Variants in PREX2 observed in about 807,000 individuals in gnomAD.
The protein encoded by PREX2 is phosphatidylinositol-3,4,5-trisphosphate dependent Rac exchange factor 2.
In PREX2, 107 loss-of-function variants were observed where a neutral mutation model predicts 203.2. The ratio of observed to expected loss-of-function variants is 0.53; its 90% CI spans 0.45 to 0.62. The LOEUF is 0.62. Among genes scored for constraint, PREX2 ranks in the 20% least tolerant of loss-of-function variants. PREX2 has a pLI of 0.00. For synonymous variants in PREX2, 672 were observed against 663.6 expected, an observed-to-expected ratio of 1.01 and a Z score of -0.19; for missense variants, 1,777 against 1,955.9, an observed-to-expected ratio of 0.91 and a Z score of 1.72.
At chr8:68,043,966 C>T (rs1196824377) in intron 7 of PREX2, among the ~76,000 whole-genome samples, 1 of 151,922 alleles carries the variant, frequency 6.6e-6, no homozygotes, top group Non-Finnish European at 1.5e-5. Flanking sequence ...ACTTGTTCAA[C>T]AAGTATACAG....
At chr8:68,156,033 A>AT (rs751084088) in intron 34 of PREX2, among the ~76,000 whole-genome samples, 2 of 151,924 alleles carry the variant, frequency 1.3e-5, no homozygotes, top group African/African-American at 4.8e-5. Flanking sequence ...GAAAATTTCC[A>AT]TTTTTTTACT....
chr8:68,041,950 T>G (rs1808212773), intron 7 of PREX2, among the ~76,000 whole-genome samples: 1 of 152,096 alleles, frequency 6.6e-6, no homozygotes, highest in African/African-American at 2.4e-5. Context: ...ATCCTGCTAT[T>G]TAGCAAATGC....
chr8:67,984,914 C>T (rs1806372682), intron 1 of PREX2, among the ~76,000 whole-genome samples: 1 of 152,040 alleles, frequency 6.6e-6, no homozygotes, highest in South Asian at 2.1e-4. Flanking sequence ...TCACCACCTC[C>T]CCTTTCCTTG....
chr8:68,046,317 G>A (rs1384328516), intron 8 of PREX2, among the ~76,000 whole-genome samples: 2 of 152,058 alleles, frequency 1.3e-5, no homozygotes, highest in Non-Finnish European at 2.9e-5. Flanking sequence ...CTTTTGGGCA[G>A]CTGGAGAACT....
At chr8:68,044,423 A>G in intron 7 of PREX2, 64 bp from the exon 8 acceptor site, 8 of 1,163,530 alleles carry the variant, frequency 6.9e-6, no homozygotes, top group Non-Finnish European at 8.9e-6. Context: ...CCTAAAATAT[A>G]TTGTTTTGAC....
At chr8:67,959,236 G>T (rs374674602) in intron 1 of PREX2, among the ~76,000 whole-genome samples, 1 of 152,138 alleles carries the variant, frequency 6.6e-6, no homozygotes, top group South Asian at 2.1e-4. Flanking sequence ...CTTTAAAGTG[G>T]CAGGACTTGA....
chr8:67,955,157 A>C (rs1217213079), intron 1 of PREX2, among the ~76,000 whole-genome samples: 1 of 150,264 alleles, frequency 6.7e-6, no homozygotes, highest in Non-Finnish European at 1.5e-5. Flanking sequence ...CAAAAAAAAA[A>C]AAAAAAAAAA....
In PREX2 at chr8:68,231,476, G is replaced by GA; in HGVS notation, c.*98_*99insA. 1.6e-6 allele frequency: 1 copy of GA among 643,702 alleles called. No individual in the cohort carries two copies. The highest frequency in any genetic ancestry group is 2.2e-6 in the Non-Finnish European group (1 of 453,918). The allele number at this position is 643,702 out of a possible 1,614,324, so 39.9% of individuals were successfully genotyped here. A position where few individuals can be genotyped will look rare whatever the true frequency, so the allele number is the denominator to read the frequency against. On this transcript the variant is annotated 3_prime_UTR_variant, in exon 40 of 40. Coordinates refer to ENST00000288368, the MANE Select transcript of PREX2 (RefSeq NM_024870.4). ...CATTCTCCACTGAAGATACATCAAT[G>GA]CTTTTTTTTTTTTTTTTTTCTGTAA...
intron 14 of PREX2, among the ~76,000 whole-genome samples, chr8:68,075,703 G>GA (rs1394573325): frequency 6.6e-6 from 1 of 152,128 alleles, no homozygotes; most frequent in Non-Finnish European, 1.5e-5. Flanking sequence ...ACAATATGTA[G>GA]AAAAAATAAG....
At chr8:68,105,730 CATAT>C (rs35658979) in intron 23 of PREX2, 16 of 157,878 alleles carry the variant, frequency 1.0e-4, no homozygotes, top group South Asian at 2.1e-4. Flanking sequence ...TATACACACA[CATAT>C]ATATATATAT....
At chr8:68,162,853 A>T (rs907014875) in intron 35 of PREX2, among the ~76,000 whole-genome samples, 4 of 152,206 alleles carry the variant, frequency 2.6e-5, no homozygotes, top group Non-Finnish European at 5.9e-5. Flanking sequence ...TCAAATCCAA[A>T]GACATAAGCT....
intron 34 of PREX2, among the ~76,000 whole-genome samples, chr8:68,147,879 AAAGG>A (rs987459074): frequency 6.1e-5 from 7 of 113,978 alleles, no homozygotes; most frequent in African/African-American, 2.9e-4. Flanking sequence ...TCTATAATGA[AAAGG>A]AAGAGAACAA....
intron 35 of PREX2, among the ~76,000 whole-genome samples, chr8:68,168,929 A>T (rs1811815025): frequency 6.6e-6 from 1 of 151,264 alleles, no homozygotes; most frequent in Admixed American, 6.6e-5. Context: ...TTTAACTTAC[A>T]ACAAACTCTT....
intron 35 of PREX2, among the ~76,000 whole-genome samples, chr8:68,158,396 A>C (rs1811588903): frequency 6.6e-6 from 1 of 152,152 alleles, no homozygotes; most frequent in Non-Finnish European, 1.5e-5. Flanking sequence ...TATTTGGGCC[A>C]AGCTTGAGAA....
At chr8:68,125,952 C>A (rs1261562035) in intron 30 of PREX2, among the ~76,000 whole-genome samples, 4 of 151,936 alleles carry the variant, frequency 2.6e-5, no homozygotes, top group Non-Finnish European at 5.9e-5. Context: ...CCTAAAATAT[C>A]GTGTTCATAA....
At chr8:68,212,408 C>T (rs932079392) in intron 37 of PREX2, among the ~76,000 whole-genome samples, 5 of 152,152 alleles carry the variant, frequency 3.3e-5, no homozygotes, top group Admixed American at 2.6e-4. Flanking sequence ...GCTTTGTTCA[C>T]TGTTGCATCT....
intron 38 of PREX2, among the ~76,000 whole-genome samples, chr8:68,219,551 T>C (rs1812913276): frequency 6.6e-6 from 1 of 152,184 alleles, no homozygotes; most frequent in African/African-American, 2.4e-5. Flanking sequence ...AAAAAATGAA[T>C]ACATTTGGAA....
In PREX2 at chr8:68,233,969, A is replaced by AG. The variant is rs1321099703; in HGVS notation, c.*2591_*2592insG. 1.3e-5 allele frequency: 2 copies of AG among 152,196 alleles called. No individual in the cohort carries two copies. Among genetic ancestry groups the AG allele is most frequent in the African/African-American group, 4.8e-5 (2 of 41,444 alleles). The allele number at this position is 152,196 out of a possible 1,614,324, so 9.4% of individuals were successfully genotyped here. A position where few individuals can be genotyped will look rare whatever the true frequency, so the allele number is the denominator to read the frequency against. On this transcript the variant is annotated 3_prime_UTR_variant, in exon 40 of 40. Coordinates refer to ENST00000288368, the MANE Select transcript of PREX2 (RefSeq NM_024870.4). Reference sequence around the variant, plus strand: ...AAAAACGGTGAATGGAAATATGTAAATGCTTTAATTATATGAAAATTATAG... The same window carrying AG: ...AAAAACGGTGAATGGAAATATGTAAAGTGCTTTAATTATATGAAAATTATAG...
At chr8:68,021,307 G>A (rs1807561832) in intron 3 of PREX2, among the ~76,000 whole-genome samples, 1 of 152,092 alleles carries the variant, frequency 6.6e-6, no homozygotes. Context: ...TTTTATATTT[G>A]GAGCTACATA....
Sources: allele counts gnomAD v4.1 joint callset (sites outside exome capture counted in the v4.1 genomes callset), GRCh38; gene constraint gnomAD v4.1.1; transcripts MANE v1.5; gene names NCBI Gene and HGNC (gene_info 2026-07-23, HGNC 2026-07-21).